GRIN2B: variants seen among roughly 807,000 people sequenced by gnomAD.
GRIN2B encodes the protein glutamate ionotropic receptor NMDA type subunit 2B.
GRIN2B carries 5 observed loss-of-function variants against 114.5 expected under a neutral mutation model. The ratio of observed to expected loss-of-function variants is 0.04; its 90% CI spans 0.02 to 0.09. The LOEUF (loss-of-function observed/expected upper bound fraction) is 0.09. Ranked by LOEUF, GRIN2B falls within the 10% of genes least tolerant of loss-of-function variation. GRIN2B has a pLI of 1.00. For synonymous variants in GRIN2B, 787 were observed against 745.1 expected (o/e 1.06, Z -0.92); for missense variants, 1,108 against 1,943.5 (o/e 0.57, Z 8.08).
At chr12:13,931,726 C>T (rs1032519938) in intron 2 of GRIN2B, among the ~76,000 whole-genome samples, 3 of 152,188 alleles carry the variant, frequency 2.0e-5, no homozygotes, top group African/African-American at 7.2e-5. Flanking sequence ...CTAAGTCTTC[C>T]GTATCTCAGT....
chr12:13,645,065 G>T (rs748975950), intron 5 of GRIN2B, among the ~76,000 whole-genome samples: 3 of 151,988 alleles, frequency 2.0e-5, no homozygotes, highest in African/African-American at 7.2e-5. Context: ...TTCACAACTT[G>T]GCTAATTGTT....
intron 3 of GRIN2B, among the ~76,000 whole-genome samples, chr12:13,809,454 G>A (rs1160129530): frequency 6.6e-6 from 1 of 152,102 alleles, no homozygotes; most frequent in Non-Finnish European, 1.5e-5. Flanking sequence ...ACTTTTAAGA[G>A]GATTAAAAGA....
At position 13,564,680 on chromosome 12, in the gene GRIN2B, G is replaced by A. The variant is rs765524670; in HGVS notation, c.2599-41C>T. On this transcript the variant is annotated intron_variant, in intron 13 of 13. Coordinates refer to ENST00000609686, the MANE Select transcript of GRIN2B (RefSeq NM_000834.5). This position sits in a 1 kb window ranked among gnomAD's most constrained non-coding sequence, Gnocchi z 4.8. ...AGGGACAGGTTAGATCTCCAGAGAG[G>A]CTAGAAATGACCACAAAAAACACTC... 1 of 1,580,050 alleles carries A rather than the reference G, an allele frequency of 6.3e-7. No homozygotes were observed. Among genetic ancestry groups the A allele is most frequent in the South Asian group, 1.1e-5 (1 of 90,384 alleles).
chr12:13,894,072 G>A (rs1207098923), intron 2 of GRIN2B, among the ~76,000 whole-genome samples: 5 of 151,956 alleles, frequency 3.3e-5, no homozygotes, highest in Non-Finnish European at 4.4e-5. Flanking sequence ...GATTTTAGAG[G>A]GGGGTGGCCA....
chr12:13,892,744 A>G (rs1318984451), intron 2 of GRIN2B, among the ~76,000 whole-genome samples: 1 of 152,210 alleles, frequency 6.6e-6, no homozygotes, highest in Non-Finnish European at 1.5e-5. Flanking sequence ...ACTACCAACA[A>G]AAGTCCCAAG....
At chr12:13,848,600 C>G (rs2417306) in intron 3 of GRIN2B, among the ~76,000 whole-genome samples, 94,647 of 152,004 alleles carry the variant, frequency 0.62, 29,661 homozygotes, top group South Asian at 0.66. Context: ...AGATCAAGAT[C>G]ACAAAGTGGC....
At position 13,562,712 on chromosome 12, in the gene GRIN2B, C is replaced by T; in HGVS notation, c.*71G>A. 2.4e-6 allele frequency: 3 copies of T among 1,238,452 alleles called. No individual in the cohort carries two copies. The highest frequency in any genetic ancestry group is 3.6e-6 in the Non-Finnish European group (3 of 837,876). The allele number at this position is 1,238,452 out of a possible 1,614,324, so 76.7% of individuals were successfully genotyped here. A position where few individuals can be genotyped will look rare whatever the true frequency, so the allele number is the denominator to read the frequency against. On this transcript the variant is annotated 3_prime_UTR_variant, in exon 14 of 14. Coordinates refer to ENST00000609686, the MANE Select transcript of GRIN2B (RefSeq NM_000834.5). ...GAACCAAGTTCACCCCCGTCACCCT[C>T]CGTGACATGCGCATCACGCGACCCA... is the stretch of plus-strand genomic sequence containing the variant.
intron 2 of GRIN2B, among the ~76,000 whole-genome samples, chr12:13,919,090 A>G (rs944888001): frequency 6.6e-6 from 1 of 152,208 alleles, no homozygotes; most frequent in East Asian, 1.9e-4. Context: ...TTTCCTCCAC[A>G]TGCAAATTCC....
At chr12:13,739,520 G>A (rs1459794159) in intron 4 of GRIN2B, among the ~76,000 whole-genome samples, 4 of 151,212 alleles carry the variant, frequency 2.6e-5, no homozygotes, top group Non-Finnish European at 5.9e-5. Flanking sequence ...GCTCTCTACT[G>A]TTCACCAAAT....
chr12:13,747,511 C>G (rs1318730877), intron 4 of GRIN2B, among the ~76,000 whole-genome samples: 1 of 152,184 alleles, frequency 6.6e-6, no homozygotes, highest in East Asian at 1.9e-4. Context: ...CACTACTGAG[C>G]AGATAAAGTC....
At chr12:13,693,765 C>A (rs1950234469) in intron 4 of GRIN2B, among the ~76,000 whole-genome samples, 1 of 152,180 alleles carries the variant, frequency 6.6e-6, no homozygotes. Context: ...TCCGGTGACT[C>A]CCCTACTCTC....
chr12:13,976,500 C>T (rs910195025), intron 2 of GRIN2B, among the ~76,000 whole-genome samples: 5 of 152,124 alleles, frequency 3.3e-5, no homozygotes, highest in African/African-American at 1.2e-4. Flanking sequence ...GTTTTGTCGG[C>T]CCCAGTCTTC....
chr12:13,834,188 G>T (rs896916843), intron 3 of GRIN2B, among the ~76,000 whole-genome samples: 1 of 132,776 alleles, frequency 7.5e-6, no homozygotes, highest in Non-Finnish European at 1.6e-5. Context: ...CCACCACCAC[G>T]CCTGGCTAAT....
intron 3 of GRIN2B, among the ~76,000 whole-genome samples, chr12:13,817,796 A>G (rs1258933969): frequency 1.3e-5 from 2 of 152,190 alleles, no homozygotes; most frequent in Non-Finnish European, 2.9e-5. Flanking sequence ...TCTGGGTCAA[A>G]CAACTAAAAT....
intron 4 of GRIN2B, among the ~76,000 whole-genome samples, chr12:13,692,142 T>C (rs889582556): frequency 7.9e-5 from 12 of 152,172 alleles, no homozygotes; most frequent in African/African-American, 2.7e-4. Flanking sequence ...CCCAAGTTTT[T>C]TCAGCAACTT....
At chr12:13,938,007 A>G (rs1867159086) in intron 2 of GRIN2B, among the ~76,000 whole-genome samples, 1 of 152,150 alleles carries the variant, frequency 6.6e-6, no homozygotes, top group African/African-American at 2.4e-5. Flanking sequence ...AAATAGACTA[A>G]CATAATTAAG....
intron 2 of GRIN2B, among the ~76,000 whole-genome samples, chr12:13,903,720 C>A (rs1029452734): frequency 2.0e-5 from 3 of 151,874 alleles, no homozygotes; most frequent in African/African-American, 7.2e-5. Context: ...CTGTATTTAC[C>A]TTTTCATGTC....
intron 2 of GRIN2B, among the ~76,000 whole-genome samples, chr12:13,976,039 G>A (rs1346328685): frequency 2.0e-5 from 3 of 152,240 alleles, no homozygotes; most frequent in East Asian, 1.9e-4. Flanking sequence ...CCCCCAAAAT[G>A]TTCACAGCAC....
intron 4 of GRIN2B, among the ~76,000 whole-genome samples, chr12:13,726,346 C>A (rs888855903): frequency 6.6e-6 from 1 of 151,720 alleles, no homozygotes; most frequent in Non-Finnish European, 1.5e-5. Context: ...ACCAGCCTGG[C>A]CAACATGGTG....
Sources: allele counts gnomAD v4.1 joint callset (sites outside exome capture counted in the v4.1 genomes callset), GRCh38; gene constraint gnomAD v4.1.1; non-coding constraint Gnocchi (gnomAD v3.1); transcripts MANE v1.5; gene names NCBI Gene and HGNC (gene_info 2026-07-23, HGNC 2026-07-21).